Variants in UGT8 observed in about 807,000 individuals in gnomAD.
UGT8 encodes 2-hydroxyacylsphingosine 1-beta-galactosyltransferase.
Under a neutral mutation model 40.5 loss-of-function variants are expected in UGT8, and 12 were observed. The ratio of observed to expected loss-of-function variants is 0.30; its 90% CI spans 0.19 to 0.48. The LOEUF (loss-of-function observed/expected upper bound fraction) is 0.48. UGT8 is among the 20% of genes least tolerant of loss of function. UGT8 has a pLI of 0.99. For synonymous variants in UGT8, 224 were observed against 240.4 expected (o/e 0.93, Z 0.63); for missense variants, 513 against 648.7 (o/e 0.79, Z 2.27).
chr4:114,645,939 C>G (rs942578536), intron 2 of UGT8, among the ~76,000 whole-genome samples: 3 of 152,018 alleles, frequency 2.0e-5, no homozygotes, highest in African/African-American at 7.2e-5. Context: ...GAGAATGAAA[C>G]AATAATGTAC....
At chr4:114,653,641 C>T (rs1044150234) in intron 2 of UGT8, among the ~76,000 whole-genome samples, 63 of 152,112 alleles carry the variant, frequency 4.1e-4, no homozygotes, top group African/African-American at 1.4e-3. Flanking sequence ...GGTGTGCAAC[C>T]TTTAATTGCC....
At chr4:114,642,859 A>G (rs966101524) in intron 2 of UGT8, among the ~76,000 whole-genome samples, 1 of 152,106 alleles carries the variant, frequency 6.6e-6, no homozygotes, top group Non-Finnish European at 1.5e-5. Context: ...AGAATATGGT[A>G]TTTTTATTTT....
chr4:114,670,803 A>G (rs545358761), intron 5 of UGT8, among the ~76,000 whole-genome samples: 1 of 152,172 alleles, frequency 6.6e-6, no homozygotes, highest in Admixed American at 6.6e-5. Flanking sequence ...TAGTATTGCA[A>G]GTTCTGGCCA....
chr4:114,633,922 G>A (rs1267817126), intron 2 of UGT8, among the ~76,000 whole-genome samples: 1 of 151,876 alleles, frequency 6.6e-6, no homozygotes, highest in African/African-American at 2.4e-5. Context: ...CCAGCCTGGA[G>A]GACAGAGTGA....
rs781340794 is a variant in UGT8 at position 114,623,267 on chromosome 4, A to G, written c.387A>G (p.Lys129=). 30 of 1,614,062 alleles carry G rather than the reference A, an allele frequency of 1.9e-5. No individual in the cohort carries two copies. Among genetic ancestry groups the G allele is most frequent in the Non-Finnish European group, 2.5e-5 (29 of 1,180,028 alleles). The change falls in exon 2 of 6, where the codon AAA becomes AAG. Residue 129 remains lysine, a synonymous_variant. Coordinates refer to ENST00000310836, the MANE Select transcript of UGT8 (RefSeq NM_001128174.3). ...GNHALIQGLK[K]EKFDLLLVDP... ...ATGCCCTGATCCAGGGTCTGAAGAA[A>G]GAAAAATTTGACCTGCTGCTGGTGG...
At chr4:114,625,471 ACTACACTC>A (rs1732146790) in intron 2 of UGT8, among the ~76,000 whole-genome samples, 1 of 139,126 alleles carries the variant, frequency 7.2e-6, no homozygotes, top group African/African-American at 2.7e-5. Flanking sequence ...AGATCACACC[ACTACACTC>A]CAGCCTAGGT....
chr4:114,674,559 G>T (rs1166645165), intron 5 of UGT8, among the ~76,000 whole-genome samples: 1 of 152,054 alleles, frequency 6.6e-6, no homozygotes, highest in Non-Finnish European at 1.5e-5. Flanking sequence ...TGGCTCTTTG[G>T]TTCTAAGAAA....
At chr4:114,653,582 A>G (rs1734007303) in intron 2 of UGT8, among the ~76,000 whole-genome samples, 1 of 152,116 alleles carries the variant, frequency 6.6e-6, no homozygotes, top group African/African-American at 2.4e-5. Flanking sequence ...AATTTTTGAC[A>G]TATAATTTAA....
intron 5 of UGT8, among the ~76,000 whole-genome samples, chr4:114,670,455 A>T (rs1025728428): frequency 2.0e-5 from 3 of 150,430 alleles, no homozygotes; most frequent in African/African-American, 7.3e-5. Flanking sequence ...AAAAAAAAAA[A>T]GCTTATCCAC....
At chr4:114,634,320 G>T (rs1732758139) in intron 2 of UGT8, among the ~76,000 whole-genome samples, 1 of 152,168 alleles carries the variant, frequency 6.6e-6, no homozygotes, top group Non-Finnish European at 1.5e-5. Context: ...TTGAACATGT[G>T]AGCATGGAGT....
In UGT8 at chr4:114,676,004, A is replaced by C; in HGVS notation, c.1342A>C (p.Ile448Leu). The change falls in exon 6 of 6, where the codon ATA (isoleucine) becomes CTA (leucine). Residue 448 changes from isoleucine (I) to leucine (L), a missense_variant. Coordinates refer to ENST00000310836, the MANE Select transcript of UGT8 (RefSeq NM_001128174.3). ...GHPVNRTIYW[I>L]DYIIRHNGAH... ...CCCTGTCAATCGAACTATCTATTGGATAGATTATATTATTCGTCACAATGG... is the reference window on the plus strand; with the variant it reads ...CCCTGTCAATCGAACTATCTATTGGCTAGATTATATTATTCGTCACAATGG... 1 of 1,614,148 alleles carries C rather than the reference A, an allele frequency of 6.2e-7. No individual in the cohort carries two copies. Among genetic ancestry groups the C allele is most frequent in the Non-Finnish European group, 8.5e-7 (1 of 1,180,024 alleles).
chr4:114,646,367 ATATATC>A (rs567217703), intron 2 of UGT8, among the ~76,000 whole-genome samples: 164 of 151,900 alleles, frequency 1.1e-3, no homozygotes, highest in Admixed American at 1.8e-3. Flanking sequence ...ATATACATAC[ATATATC>A]TATATCTATA....
At chr4:114,611,445 T>TATAC (rs1427117348) in intron 1 of UGT8, among the ~76,000 whole-genome samples, 40 of 104,688 alleles carry the variant, frequency 3.8e-4, no homozygotes, top group African/African-American at 1.8e-3. Context: ...TATATATATA[T>TATAC]ACACACACAC....
At chr4:114,661,231 G>A (rs1367678345) in intron 2 of UGT8, among the ~76,000 whole-genome samples, 3 of 152,106 alleles carry the variant, frequency 2.0e-5, no homozygotes, top group Non-Finnish European at 4.4e-5. Flanking sequence ...AGGAGTAGAA[G>A]TACTTTTACT....
intron 2 of UGT8, among the ~76,000 whole-genome samples, chr4:114,654,503 A>G (rs1213100217): frequency 6.6e-6 from 1 of 152,058 alleles, no homozygotes; most frequent in Admixed American, 6.6e-5. Context: ...TCTGTGCTCT[A>G]TACTGTCTGG....
Position 114,617,950 on chromosome 4 carries a change from T to C in UGT8, c.-2-4929T>C, listed in dbSNP as rs549101269. On this transcript the variant is annotated intron_variant, in intron 1 of 5. Transcript: ENST00000310836. ...AGAAATCTTTGAAAATCCTGAAAAA[T>C]ATAAGAAAAGGAAAGAAAATTGTTC... 2.2e-4 allele frequency among the ~76,000 whole-genome samples: 34 copies of C among 152,248 alleles called. 1 individual carries two copies. In the South Asian group the frequency reaches 7.0e-3, roughly 32 times the overall value.
At chr4:114,644,860 C>T (rs1227483152) in intron 2 of UGT8, among the ~76,000 whole-genome samples, 1 of 152,216 alleles carries the variant, frequency 6.6e-6, no homozygotes, top group East Asian at 1.9e-4. Context: ...GCCCACTTGC[C>T]TCTTAAGTTA....
chr4:114,645,692 T>C (rs925387942), intron 2 of UGT8, among the ~76,000 whole-genome samples: 4 of 152,178 alleles, frequency 2.6e-5, no homozygotes, highest in Non-Finnish European at 5.9e-5. Flanking sequence ...TCATCGAATA[T>C]ATACCAATGA....
chr4:114,676,066 C>T lies in UGT8; in HGVS notation c.1404C>T (p.Ser468=), dbSNP rs573557020. ...TACGTGCCGCTGTCCATCAGATCTCCTTTTGTCAGTATTTTTTACTGGATA... is the reference window on the plus strand; with the variant it reads ...TACGTGCCGCTGTCCATCAGATCTCTTTTTGTCAGTATTTTTTACTGGATA... ...HHLRAAVHQI[S]FCQYFLLDIA... Residue 468 remains serine, a synonymous_variant, in exon 6 of 6, where the codon TCC becomes TCT. Transcript: ENST00000310836. The T allele has an allele frequency of 8.7e-6, 14 of 1,614,182 alleles. No individual in the cohort carries two copies. In the South Asian group the frequency reaches 1.5e-4, roughly 18 times the overall value.
Sources: gnomAD v4.1 joint callset for allele counts (sites outside exome capture counted in the v4.1 genomes callset) on GRCh38, gnomAD v4.1.1 for gene constraint, MANE v1.5 for transcripts, NCBI Gene and HGNC (gene_info 2026-07-23, HGNC 2026-07-21) for gene names.